Variants in NRXN1 observed in about 807,000 individuals in gnomAD.
NRXN1 encodes neurexin-1.
Under a neutral mutation model 150.9 loss-of-function variants are expected in NRXN1, and 39 were observed. The ratio of observed to expected loss-of-function variants is 0.26; its 90% CI spans 0.20 to 0.34. NRXN1 has a LOEUF of 0.34. Among genes scored for constraint, NRXN1 ranks in the 10% least tolerant of loss-of-function variants. NRXN1 has a pLI of 1.00. For synonymous variants in NRXN1, 924 were observed against 757.0 expected, an observed-to-expected ratio of 1.22 and a Z score of -3.62; for missense variants, 1,815 against 1,949.9, an observed-to-expected ratio of 0.93 and a Z score of 1.30.
At chr2:50,434,681 T>A (rs553727674) in intron 17 of NRXN1, among the ~76,000 whole-genome samples, 9 of 152,208 alleles carry the variant, frequency 5.9e-5, no homozygotes, top group African/African-American at 1.7e-4. Flanking sequence ...TTAAAAAAAA[T>A]TTCTTTGTTC....
At chr2:50,464,491 A>C (rs1347394737) in intron 17 of NRXN1, 1 of 151,944 alleles carries the variant, frequency 6.6e-6, no homozygotes, top group Non-Finnish European at 1.5e-5. Flanking sequence ...CAAATAGACA[A>C]AGGTCAAAAT....
chr2:50,489,161 T>G (rs2091078703), intron 15 of NRXN1, among the ~76,000 whole-genome samples: 1 of 152,202 alleles, frequency 6.6e-6, no homozygotes, highest in Non-Finnish European at 1.5e-5. Flanking sequence ...AGAAAGCTAT[T>G]TCTCCCTGTG....
chr2:49,976,561 G>T (rs1440908210), intron 21 of NRXN1, among the ~76,000 whole-genome samples: 1 of 152,130 alleles, frequency 6.6e-6, no homozygotes, highest in Non-Finnish European at 1.5e-5. Flanking sequence ...TGTTTTGAGG[G>T]AAAATCTTGA....
chr2:49,928,199 C>G (rs1669457521), intron 22 of NRXN1, among the ~76,000 whole-genome samples: 7 of 151,472 alleles, frequency 4.6e-5, no homozygotes. Flanking sequence ...CTCCATAATG[C>G]CCAGCACGCA....
intron 5 of NRXN1, among the ~76,000 whole-genome samples, chr2:50,626,339 T>C (rs1681047002): frequency 6.6e-6 from 1 of 151,870 alleles, no homozygotes; most frequent in South Asian, 2.1e-4. Flanking sequence ...AGCCATGATA[T>C]GCCAGAGAAA....
chr2:50,765,914 A>G (rs1260308516), intron 5 of NRXN1, among the ~76,000 whole-genome samples: 3 of 152,024 alleles, frequency 2.0e-5, no homozygotes, highest in Non-Finnish European at 2.9e-5. Context: ...TTGCTATTGA[A>G]CACATGAGAA....
chr2:50,131,080 T>C (rs904616449), intron 18 of NRXN1, among the ~76,000 whole-genome samples: 3 of 152,218 alleles, frequency 2.0e-5, no homozygotes, highest in Non-Finnish European at 4.4e-5. Context: ...AAACTCATTT[T>C]AATTTTGCAG....
chr2:50,389,404 C>G lies in NRXN1; in HGVS notation c.3364+76038G>C, dbSNP rs148082448. 2.2e-4 allele frequency among the ~76,000 whole-genome samples: 33 copies of G among 151,060 alleles called. No homozygotes were observed. The East Asian group carries it at 6.1e-3, about 28-fold the overall frequency. The stretch of plus-strand genomic sequence containing the variant: ...CAATAAGTTCTGAGACAATGTCCAC[C>G]AGCATACAAGCTATTTAACCAATAA... On this transcript the variant is annotated intron_variant, in intron 17 of 22. Coordinates refer to ENST00000401669, the MANE Select transcript of NRXN1 (RefSeq NM_001330078.2).
chr2:50,530,360 T>G (rs2093066634), intron 11 of NRXN1, among the ~76,000 whole-genome samples: 1 of 152,202 alleles, frequency 6.6e-6, no homozygotes. Context: ...TAATTATAAT[T>G]AATTTTTATC....
At chr2:49,941,601 A>C (rs1355258183) in intron 22 of NRXN1, among the ~76,000 whole-genome samples, 2 of 152,168 alleles carry the variant, frequency 1.3e-5, no homozygotes, top group East Asian at 3.9e-4. Flanking sequence ...GGATTCTGCA[A>C]CAAGAGTATG....
At chr2:50,741,509 C>T (rs1314985275) in intron 5 of NRXN1, among the ~76,000 whole-genome samples, 1 of 152,048 alleles carries the variant, frequency 6.6e-6, no homozygotes, top group Non-Finnish European at 1.5e-5. Context: ...ATTTATTTGA[C>T]ATTTTATCTT....
intron 5 of NRXN1, among the ~76,000 whole-genome samples, chr2:50,879,484 A>T (rs571126523): frequency 1.1e-3 from 172 of 152,030 alleles, no homozygotes; most frequent in Non-Finnish European, 2.2e-3. Flanking sequence ...AAATGTTTTA[A>T]TTTTTCTTCC....
Position 50,635,321 on chromosome 2 carries a change from C to CTT in NRXN1, c.833-11708_833-11707dup, listed in dbSNP as rs60283749. Among the ~76,000 whole-genome samples, 234 of 139,200 alleles carry CTT rather than the reference C, an allele frequency of 1.7e-3. 1 individual carries two copies. Among genetic ancestry groups the CTT allele is most frequent in the African/African-American group, 5.8e-3 (215 of 37,376 alleles). The allele number at this position is 139,200 out of a possible 152,430, so 91.3% of individuals were successfully genotyped here. On this transcript the variant is annotated intron_variant, in intron 5 of 22. Transcript: ENST00000401669. ...TACAGGTGCCCGCCACCATGCCTAG[C>CTT]TTTTTTTTTTTTTTTCTGTATTTTT...
chr2:50,974,997 T>G (rs1695598492), intron 2 of NRXN1, among the ~76,000 whole-genome samples: 1 of 151,982 alleles, frequency 6.6e-6, no homozygotes, highest in Non-Finnish European at 1.5e-5. Context: ...AAATAGTGGT[T>G]CCCAAAATGT....
At chr2:50,043,212 T>C (rs1691282074) in intron 21 of NRXN1, among the ~76,000 whole-genome samples, 1 of 152,136 alleles carries the variant, frequency 6.6e-6, no homozygotes, top group Admixed American at 6.6e-5. Flanking sequence ...ATAAGATAAT[T>C]GAGCCATTAA....
chr2:50,705,266 T>G (rs1574174063), intron 5 of NRXN1, among the ~76,000 whole-genome samples: 1 of 152,180 alleles, frequency 6.6e-6, no homozygotes, highest in African/African-American at 2.4e-5. Context: ...CTTCCAATTC[T>G]TTATTCAATT....
At chr2:50,963,698 T>C (rs1354278612) in intron 2 of NRXN1, among the ~76,000 whole-genome samples, 1 of 151,636 alleles carries the variant, frequency 6.6e-6, no homozygotes, top group Non-Finnish European at 1.5e-5. Flanking sequence ...CCCTTGAATA[T>C]ATAAAATAGC....
intron 2 of NRXN1, among the ~76,000 whole-genome samples, chr2:50,983,318 A>T (rs1434520821): frequency 6.6e-6 from 1 of 152,060 alleles, no homozygotes; most frequent in Non-Finnish European, 1.5e-5. Context: ...TAGAAAAATC[A>T]ATTTATTTCC....
intron 18 of NRXN1, among the ~76,000 whole-genome samples, chr2:50,107,045 C>A (rs921573): frequency 0.24 from 37,024 of 151,642 alleles, 4,725 homozygotes; most frequent in Middle Eastern, 0.34. Flanking sequence ...CAAAAGCAGG[C>A]AATACTTAAG....
Sources: allele counts gnomAD v4.1 joint callset (sites outside exome capture counted in the v4.1 genomes callset), GRCh38; gene constraint gnomAD v4.1.1; transcripts MANE v1.5; gene names NCBI Gene and HGNC (gene_info 2026-07-23, HGNC 2026-07-21).